Variants in GRM7 observed in about 807,000 individuals in gnomAD.
GRM7 encodes the protein glutamate metabotropic receptor 7, also known as metabotropic glutamate receptor 7.
A neutral mutation model predicts 84.5 loss-of-function variants in GRM7; 35 were observed. The ratio of observed to expected loss-of-function variants is 0.41; its 90% CI spans 0.32 to 0.55. The LOEUF (loss-of-function observed/expected upper bound fraction) is 0.55, where lower values mean the gene tolerates loss of function less well. Ranked by LOEUF, GRM7 falls within the 20% of genes least tolerant of loss-of-function variation. The pLI is 0.19. For synonymous variants in GRM7, 487 were observed against 455.1 expected, an observed-to-expected ratio of 1.07 and a Z score of -0.89; for missense variants, 1,003 against 1,194.6, an observed-to-expected ratio of 0.84 and a Z score of 2.36.
intron 1 of GRM7, among the ~76,000 whole-genome samples, chr3:7,120,143 G>A (rs955212527): frequency 6.6e-6 from 1 of 151,936 alleles, no homozygotes; most frequent in African/African-American, 2.4e-5. Context: ...AGAAAAAGGA[G>A]GTAATCCTGA....
chr3:7,282,239 AG>A, intron 2 of GRM7, among the ~76,000 whole-genome samples: 1 of 152,366 alleles, frequency 6.6e-6, no homozygotes, highest in African/African-American at 2.4e-5. Context: ...AAAATAATAC[AG>A]ATGCATTATC....
intron 1 of GRM7, among the ~76,000 whole-genome samples, chr3:6,953,451 A>G (rs770616117): frequency 1.3e-5 from 2 of 152,234 alleles, no homozygotes; most frequent in Non-Finnish European, 2.9e-5. Context: ...CTCTTGACAA[A>G]CATAAAGAAC....
At position 6,926,870 on chromosome 3, in the gene GRM7, T is replaced by G. The variant is rs140811867; in HGVS notation, c.519+64963T>G. On this transcript the variant is annotated intron_variant, in intron 1 of 9. Coordinates refer to ENST00000357716, the MANE Select transcript of GRM7 (RefSeq NM_000844.4). ...AATAGAGTTGCGGCAAACATCTTTG[T>G]ACAACATATTTACCCAGATACCTGA... 2.1e-3 allele frequency among the ~76,000 whole-genome samples: 319 copies of G among 152,348 alleles called. 1 individual carries two copies. The highest frequency in any genetic ancestry group is 7.2e-3 in the African/African-American group (299 of 41,584).
chr3:7,578,362 T>C, intron 7 of GRM7, 60 bp from the exon 8 acceptor site: 1 of 1,146,752 alleles, frequency 8.7e-7, no homozygotes. Flanking sequence ...GCTGCTGGTG[T>C]TCTTTTTCTA....
intron 1 of GRM7, among the ~76,000 whole-genome samples, chr3:7,033,289 T>C (rs1416800409): frequency 6.6e-6 from 1 of 152,130 alleles, no homozygotes; most frequent in Admixed American, 6.5e-5. Flanking sequence ...AAAGACCCAA[T>C]TTTCAAATAA....
chr3:7,171,255 A>T (rs1408962839), intron 2 of GRM7, among the ~76,000 whole-genome samples: 2 of 152,052 alleles, frequency 1.3e-5, no homozygotes, highest in Non-Finnish European at 2.9e-5. Context: ...TTCTTCACTT[A>T]TCTTCCCTCT....
chr3:7,238,996 C>CTTTTTTTTTTTTTTTTTTTTT lies in GRM7; in HGVS notation c.737-59688_737-59687insTTTTTTTTTTTTTTTTTTTTT, dbSNP rs567509392. 1.7e-5 allele frequency among the ~76,000 whole-genome samples: 2 copies of CTTTTTTTTTTTTTTTTTTTTT among 118,356 alleles called. 1 individual carries two copies. 77.6% of individuals were successfully genotyped at this position (118,356 alleles called of 152,430 possible). On this transcript the variant is annotated intron_variant, in intron 2 of 9. Coordinates refer to ENST00000357716, the MANE Select transcript of GRM7 (RefSeq NM_000844.4). Reference sequence around the variant, plus strand: ...TTCTTTTCCCTTTCTTTTCTTTTTTCCTTTTTCTTTTTTTTGACATGGTCT... The same window carrying CTTTTTTTTTTTTTTTTTTTTT: ...TTCTTTTCCCTTTCTTTTCTTTTTTCTTTTTTTTTTTTTTTTTTTTTCTTTTTCTTTTTTTTGACATGGTCT...
At chr3:6,961,859 C>A (rs1693312398) in intron 1 of GRM7, among the ~76,000 whole-genome samples, 1 of 152,082 alleles carries the variant, frequency 6.6e-6, no homozygotes, top group South Asian at 2.1e-4. Flanking sequence ...TGGATCTGTA[C>A]TAGATTATCC....
At chr3:7,313,045 C>T (rs1700461656) in intron 4 of GRM7, among the ~76,000 whole-genome samples, 2 of 151,614 alleles carry the variant, frequency 1.3e-5, no homozygotes, top group Non-Finnish European at 2.9e-5. Flanking sequence ...TCTTCTACCT[C>T]AGCCTCCCAA....
At chr3:7,039,320 A>G (rs1045402734) in intron 1 of GRM7, among the ~76,000 whole-genome samples, 4 of 152,198 alleles carry the variant, frequency 2.6e-5, no homozygotes, top group Non-Finnish European at 4.4e-5. Context: ...ATATGGAGAA[A>G]ATTGGCTTAG....
At chr3:7,076,512 C>T (rs2124991044) in intron 1 of GRM7, among the ~76,000 whole-genome samples, 1 of 152,272 alleles carries the variant, frequency 6.6e-6, no homozygotes, top group Middle Eastern at 3.4e-3. Flanking sequence ...TCCCCTTCAC[C>T]TTCCACCATG....
intron 1 of GRM7, among the ~76,000 whole-genome samples, chr3:7,092,602 G>C (rs572972146): frequency 2.9e-5 from 1 of 34,478 alleles, no homozygotes; most frequent in East Asian, 7.0e-4. Flanking sequence ...CTTTGAATTG[G>C]GGGGGGGGCA....
intron 4 of GRM7, among the ~76,000 whole-genome samples, chr3:7,311,213 A>C (rs1322792773): frequency 1.3e-5 from 2 of 152,216 alleles, no homozygotes; most frequent in African/African-American, 4.8e-5. Context: ...TTCTCCAGAA[A>C]TCTAATTGAG....
At chr3:7,310,046 G>A (rs1166784173) in intron 4 of GRM7, among the ~76,000 whole-genome samples, 1 of 152,158 alleles carries the variant, frequency 6.6e-6, no homozygotes, top group African/African-American at 2.4e-5. Context: ...AATCTGCAGA[G>A]TACTAATGGC....
intron 3 of GRM7, among the ~76,000 whole-genome samples, chr3:7,300,497 A>G (rs140465762): frequency 1.7e-3 from 260 of 152,318 alleles, no homozygotes; most frequent in African/African-American, 6.2e-3. Flanking sequence ...TTGGGCCTCA[A>G]GTCTCCTACC....
At chr3:7,737,139 G>A (rs893812467) in intron 9 of GRM7, among the ~76,000 whole-genome samples, 7 of 152,268 alleles carry the variant, frequency 4.6e-5, no homozygotes, top group African/African-American at 1.7e-4. Flanking sequence ...CAAAGATAAA[G>A]TAAGAAGCTC....
chr3:7,093,278 G>A (rs778435256), intron 1 of GRM7, among the ~76,000 whole-genome samples: 4 of 152,022 alleles, frequency 2.6e-5, no homozygotes, highest in Non-Finnish European at 4.4e-5. Flanking sequence ...CTGACTGACT[G>A]TGATGGAGGA....
At chr3:7,331,778 TA>T (rs1419168131) in intron 4 of GRM7, among the ~76,000 whole-genome samples, 1 of 152,158 alleles carries the variant, frequency 6.6e-6, no homozygotes, top group Admixed American at 6.6e-5. Flanking sequence ...AATTTCCCCC[TA>T]GGTAAACAGC....
chr3:7,024,488 G>T (rs562711200), intron 1 of GRM7, among the ~76,000 whole-genome samples: 1 of 152,242 alleles, frequency 6.6e-6, no homozygotes, highest in African/African-American at 2.4e-5. Flanking sequence ...CATAGTAGGA[G>T]GTGGTGTTTG....
Sources: gnomAD v4.1 joint callset for allele counts (sites outside exome capture counted in the v4.1 genomes callset) on GRCh38, gnomAD v4.1.1 for gene constraint, MANE v1.5 for transcripts, NCBI Gene and HGNC (gene_info 2026-07-23, HGNC 2026-07-21) for gene names.